Variants in LRRC4C observed in about 807,000 individuals in gnomAD.
LRRC4C encodes the protein leucine rich repeat containing 4C.
Under a neutral mutation model 33.6 loss-of-function variants are expected in LRRC4C, and 5 were observed. The observed-to-expected ratio is 0.15, with a 90% CI of 0.08 to 0.31. The LOEUF is 0.31. Among genes scored for constraint, LRRC4C ranks in the 10% least tolerant of loss-of-function variants. The pLI is 1.00. For synonymous variants in LRRC4C, 329 were observed against 302.0 expected (o/e 1.09, Z -0.93); for missense variants, 560 against 796.7 (o/e 0.70, Z 3.58).
intron 3 of LRRC4C, among the ~76,000 whole-genome samples, chr11:40,559,577 C>A (rs2135496415): frequency 6.6e-6 from 1 of 152,192 alleles, no homozygotes; most frequent in African/African-American, 2.4e-5. Context: ...GCTTTTAGCT[C>A]TTTGAGGAAT....
At chr11:41,259,204 C>T (rs376111710) in intron 1 of LRRC4C, among the ~76,000 whole-genome samples, 1 of 151,918 alleles carries the variant, frequency 6.6e-6, no homozygotes, top group African/African-American at 2.4e-5. Context: ...CTCAGAGACC[C>T]TTTATTGATC....
intron 3 of LRRC4C, among the ~76,000 whole-genome samples, chr11:40,368,205 T>A (rs969102336): frequency 6.6e-6 from 1 of 152,164 alleles, no homozygotes; most frequent in Non-Finnish European, 1.5e-5. Flanking sequence ...AAGAAAAATA[T>A]AGGCTATGAG....
chr11:40,785,632 C>T (rs1002180970), intron 2 of LRRC4C, among the ~76,000 whole-genome samples: 1 of 152,166 alleles, frequency 6.6e-6, no homozygotes, highest in African/African-American at 2.4e-5. Context: ...GAAGCTCCAA[C>T]AGTATATCCA....
rs555337470 is a variant in LRRC4C, at chr11:41,244,849, T to A, written c.-496+214582A>T. Reference sequence around the variant, plus strand: ...TATAGCATACTGCAGGCACAGGGACTCAAGTAGACAAATACTCACGACTGG... The same window carrying A: ...TATAGCATACTGCAGGCACAGGGACACAAGTAGACAAATACTCACGACTGG... On this transcript the variant is annotated intron_variant, in intron 1 of 6. Coordinates refer to ENST00000528697, the MANE Select transcript of LRRC4C (RefSeq NM_001258419.2). 1.2e-4 allele frequency among the ~76,000 whole-genome samples: 19 copies of A among 152,260 alleles called. No homozygotes were observed. The South Asian group carries it at 3.9e-3, about 32-fold the overall frequency.
chr11:40,231,992 A>G (rs974736756), intron 5 of LRRC4C, among the ~76,000 whole-genome samples: 2 of 152,114 alleles, frequency 1.3e-5, no homozygotes, highest in African/African-American at 4.8e-5. Context: ...AGAAGAGTCA[A>G]CTTTGTCTTT....
chr11:41,415,794 A>G (rs1192367249), intron 1 of LRRC4C, among the ~76,000 whole-genome samples: 3 of 152,162 alleles, frequency 2.0e-5, no homozygotes, highest in Non-Finnish European at 4.4e-5. Flanking sequence ...CATAATGTAT[A>G]GGATATGTTT....
At chr11:40,886,038 T>G (rs1480397890) in intron 2 of LRRC4C, among the ~76,000 whole-genome samples, 1 of 152,068 alleles carries the variant, frequency 6.6e-6, no homozygotes, top group Non-Finnish European at 1.5e-5. Context: ...AGGCAGAAAA[T>G]GAGAGAAATT....
intron 1 of LRRC4C, among the ~76,000 whole-genome samples, chr11:40,999,748 T>A (rs921215844): frequency 6.6e-6 from 1 of 152,090 alleles, no homozygotes; most frequent in Non-Finnish European, 1.5e-5. Flanking sequence ...TGAAAATATA[T>A]CATGGCAAGT....
At chr11:40,323,625 C>G (rs1945959936) in intron 3 of LRRC4C, among the ~76,000 whole-genome samples, 1 of 152,190 alleles carries the variant, frequency 6.6e-6, no homozygotes, top group Non-Finnish European at 1.5e-5. Flanking sequence ...CAGTTTGCCA[C>G]AGATTATTCT....
chr11:40,828,191 T>C (rs991582033), intron 2 of LRRC4C, among the ~76,000 whole-genome samples: 1 of 150,142 alleles, frequency 6.7e-6, no homozygotes, highest in Non-Finnish European at 1.5e-5. Context: ...AAAAACTAAA[T>C]ACAAAATATA....
intron 2 of LRRC4C, among the ~76,000 whole-genome samples, chr11:40,844,773 C>A (rs1457856891): frequency 6.6e-6 from 1 of 152,034 alleles, no homozygotes; most frequent in Non-Finnish European, 1.5e-5. Context: ...TTCCAAAAGG[C>A]CATTTTACAA....
At chr11:40,388,838 T>C (rs1949218990) in intron 3 of LRRC4C, among the ~76,000 whole-genome samples, 2 of 152,066 alleles carry the variant, frequency 1.3e-5, no homozygotes, top group African/African-American at 4.8e-5. Context: ...GTCAATTCTG[T>C]CTGTATTCAG....
chr11:41,441,079 A>G (rs538255484), intron 1 of LRRC4C, among the ~76,000 whole-genome samples: 7 of 152,140 alleles, frequency 4.6e-5, no homozygotes, highest in Non-Finnish European at 8.8e-5. Flanking sequence ...TCTGTTTTTA[A>G]GGACTATTTA....
chr11:40,401,767 T>C (rs1235185719), intron 3 of LRRC4C, among the ~76,000 whole-genome samples: 3 of 152,138 alleles, frequency 2.0e-5, no homozygotes, highest in Non-Finnish European at 4.4e-5. Context: ...AATAATCCTT[T>C]AGTATATGAG....
At chr11:41,080,342 C>CTTTTT (rs71060997) in intron 1 of LRRC4C, among the ~76,000 whole-genome samples, 2,317 of 103,176 alleles carry the variant, frequency 0.022, no homozygotes, top group East Asian at 0.034. Context: ...GAGTCTCCTC[C>CTTTTT]TTTTTTTTTT....
chr11:41,311,199 T>A (rs573360623), intron 1 of LRRC4C, among the ~76,000 whole-genome samples: 5 of 152,294 alleles, frequency 3.3e-5, no homozygotes, highest in East Asian at 1.9e-4. Context: ...ACATTTTTTT[T>A]TATATATTCA....
chr11:41,062,696 G>T (rs1937878461), intron 1 of LRRC4C, among the ~76,000 whole-genome samples: 1 of 152,138 alleles, frequency 6.6e-6, no homozygotes, highest in Non-Finnish European at 1.5e-5. Flanking sequence ...TAGAAACTTG[G>T]AATGTGACAT....
intron 1 of LRRC4C, among the ~76,000 whole-genome samples, chr11:41,115,990 C>A (rs1473691041): frequency 1.3e-5 from 2 of 152,130 alleles, no homozygotes; most frequent in Non-Finnish European, 2.9e-5. Flanking sequence ...TAGCCTTCCC[C>A]TTTCCACCAT....
chr11:41,334,463 A>G (rs909506203), intron 1 of LRRC4C, among the ~76,000 whole-genome samples: 1 of 152,078 alleles, frequency 6.6e-6, no homozygotes. Flanking sequence ...TAACTGATTA[A>G]GTACTTGATT....
Sources: allele counts gnomAD v4.1 joint callset (sites outside exome capture counted in the v4.1 genomes callset), GRCh38; gene constraint gnomAD v4.1.1; transcripts MANE v1.5; gene names NCBI Gene and HGNC (gene_info 2026-07-23, HGNC 2026-07-21).